Variants in PPIP5K2 observed in about 807,000 individuals in gnomAD.
PPIP5K2 encodes the protein inositol hexakisphosphate and diphosphoinositol-pentakisphosphate kinase 2.
In PPIP5K2, 105 loss-of-function variants were observed where a neutral mutation model predicts 154.6. That is an observed-to-expected ratio of 0.68 (90% CI 0.58 to 0.80). PPIP5K2 has a LOEUF of 0.80. Ranked by LOEUF, PPIP5K2 falls within the 30% of genes least tolerant of loss-of-function variation. The probability of loss-of-function intolerance (pLI) is 0.00; values close to 1 mark genes in which losing one functional copy is unlikely to be tolerated. For missense variants in PPIP5K2, 992 were observed against 1,504.6 expected, an observed-to-expected ratio of 0.66 and a Z score of 5.64; for synonymous variants, 480 against 490.3, an observed-to-expected ratio of 0.98 and a Z score of 0.28.
intron 17 of PPIP5K2, among the ~76,000 whole-genome samples, chr5:103,162,413 A>G (rs1206096742): frequency 2.0e-5 from 3 of 148,050 alleles, no homozygotes; most frequent in Non-Finnish European, 4.5e-5. Context: ...CCCAGGCGGG[A>G]GTGCAGTGGT....
Position 103,207,577 on chromosome 5 carries a change from T to C in PPIP5K2, c.*5943T>C, listed in dbSNP as rs576200408. On this transcript the variant is annotated 3_prime_UTR_variant, in exon 31 of 31. Transcript: ENST00000358359. ...TTGAATTATATTTAATTTTAAAGTC[T>C]ATATATATATATATATAGATCCTAT... The C allele has an allele frequency of 1.3e-5, 2 of 148,590 alleles. No individual in the cohort carries two copies. The highest frequency in any genetic ancestry group is 3.0e-5 in the Non-Finnish European group (2 of 66,778). The allele number at this position is 148,590 out of a possible 1,614,324, so 9.2% of individuals were successfully genotyped here.
chr5:103,177,627 C>A, intron 21 of PPIP5K2, 40 bp from the exon 22 acceptor site: 2 of 1,390,420 alleles, frequency 1.4e-6, no homozygotes, highest in Non-Finnish European at 2.0e-6. Flanking sequence ...TCAAGTAACA[C>A]AGTTTGAGAA....
Position 103,158,188 on chromosome 5 carries a change from A to T in PPIP5K2, c.1490A>T (p.Asp497Val), listed in dbSNP as rs782188299. The change falls in exon 15 of 31, where the codon GAC becomes GTC. Residue 497 changes from aspartate to valine, a missense_variant and splice_region_variant. Coordinates refer to ENST00000358359, the MANE Select transcript of PPIP5K2 (RefSeq NM_001276277.3). ...TTTTATTCATTCATATGTGTCATAG[A>T]CAGCCGAAGAGAAGAACCATCTTTA... ...GCPKTSSEEE[D>V]SRREEPSLLL... 6.2e-7 allele frequency: 1 copy of T among 1,612,576 alleles called. No homozygotes were observed. The highest frequency in any genetic ancestry group is 1.1e-5 in the South Asian group (1 of 91,016).
intron 17 of PPIP5K2, among the ~76,000 whole-genome samples, chr5:103,164,249 TTTC>T (rs1264346523): frequency 5.9e-5 from 9 of 152,062 alleles, no homozygotes; most frequent in Non-Finnish European, 8.8e-5. Context: ...CTTTTTTCCT[TTTC>T]TTCTTGATCA....
intron 3 of PPIP5K2, among the ~76,000 whole-genome samples, chr5:103,135,572 A>C (rs1359039835): frequency 6.6e-6 from 1 of 152,106 alleles, no homozygotes; most frequent in Non-Finnish European, 1.5e-5. Flanking sequence ...ATAGAACTAC[A>C]GGTTGCACCA....
Position 103,135,455 on chromosome 5 carries a change from A to G in PPIP5K2, c.311-1277A>G, listed in dbSNP as rs139562375. Among the ~76,000 whole-genome samples, 451 of 152,228 alleles carry G rather than the reference A, an allele frequency of 3.0e-3. 5 individuals carry two copies. The highest frequency in any genetic ancestry group is 0.01 in the African/African-American group (425 of 41,530). On this transcript the variant is annotated intron_variant, in intron 3 of 30. Transcript: ENST00000358359. The stretch of plus-strand genomic sequence containing the variant: ...AATTTTTTTTTTCCCCCTGGAGGAC[A>G]GGGTCTTGCTGTGTCAACTAGGCTG...
chr5:103,153,962 T>C lies in PPIP5K2; in HGVS notation c.1217+28T>C, dbSNP rs1246500010. 11 of 1,473,940 alleles carry C rather than the reference T, an allele frequency of 7.5e-6. No individual in the cohort carries two copies. In the African/African-American group the frequency reaches 1.3e-4, roughly 17 times the overall value. 91.3% of individuals were successfully genotyped at this position (1,473,940 alleles called of 1,614,324 possible). On this transcript the variant is annotated intron_variant, in intron 11 of 30. Transcript: ENST00000358359. ...ATGTTTTCAGATGAATAATTTAACATGCATGATACAATTTTAAGATTTCTG... is the reference window on the plus strand; with the variant it reads ...ATGTTTTCAGATGAATAATTTAACACGCATGATACAATTTTAAGATTTCTG...
intron 8 of PPIP5K2, 102 bp downstream of exon 8, chr5:103,149,415 G>C: frequency 9.1e-7 from 1 of 1,099,672 alleles, no homozygotes; most frequent in South Asian, 1.9e-5. Flanking sequence ...AGTAAACCGA[G>C]AAAGTAATTA....
chr5:103,175,813 T>C (rs1221343152), intron 21 of PPIP5K2, among the ~76,000 whole-genome samples: 1 of 152,048 alleles, frequency 6.6e-6, no homozygotes, highest in Non-Finnish European at 1.5e-5. Flanking sequence ...TATATTGAAT[T>C]CAGGCTGCAT....
chr5:103,163,721 T>G (rs1360281083), intron 17 of PPIP5K2, among the ~76,000 whole-genome samples: 1 of 151,996 alleles, frequency 6.6e-6, no homozygotes, highest in African/African-American at 2.4e-5. Flanking sequence ...TATAAAAACG[T>G]ACTGAATTTT....
chr5:103,120,610 G>A, intron 1 of PPIP5K2, 122 bp downstream of exon 1: 1 of 426,424 alleles, frequency 2.3e-6, no homozygotes, highest in Non-Finnish European at 4.8e-6. Flanking sequence ...ATGCTCCACC[G>A]AGGGGCTTGT....
chr5:103,150,921 A>C (rs1794551068), intron 8 of PPIP5K2, among the ~76,000 whole-genome samples: 1 of 144,552 alleles, frequency 6.9e-6, no homozygotes, highest in South Asian at 2.2e-4. Context: ...AGATCCTTTA[A>C]AAATTTTGCT....
chr5:103,183,973 T>C (rs1054990575), intron 25 of PPIP5K2, among the ~76,000 whole-genome samples: 24 of 152,320 alleles, frequency 1.6e-4, no homozygotes, highest in African/African-American at 5.5e-4. Context: ...TCTGTTTTTC[T>C]TTGGACTGTT....
At chr5:103,141,794 T>C (rs1792722846) in intron 5 of PPIP5K2, among the ~76,000 whole-genome samples, 3 of 150,878 alleles carry the variant, frequency 2.0e-5, no homozygotes, top group Admixed American at 1.3e-4. Flanking sequence ...TTACAATCCC[T>C]GAGCTAGAAA....
chr5:103,177,155 A>ACG (rs1798852735), intron 21 of PPIP5K2, among the ~76,000 whole-genome samples: 1 of 144,432 alleles, frequency 6.9e-6, no homozygotes, highest in Non-Finnish European at 1.6e-5. Flanking sequence ...TGTTTGTCAT[A>ACG]TTTCAAGAAA....
rs1362296458 is a variant in PPIP5K2 at position 103,211,748 on chromosome 5, T to C, written c.*10114T>C. The C allele has an allele frequency of 1.3e-5, 2 of 152,078 alleles. No individual in the cohort carries two copies. 9.4% of individuals were successfully genotyped at this position (152,078 alleles called of 1,614,324 possible). ...CAGTTACTACACTAAGCCCTGATGA[T>C]ACAAATATGAAAAGTCCTGTTTCCA... On this transcript the variant is annotated 3_prime_UTR_variant, in exon 31 of 31. Coordinates refer to ENST00000358359, the MANE Select transcript of PPIP5K2 (RefSeq NM_001276277.3).
chr5:103,157,508 G>T (rs1441934459), intron 14 of PPIP5K2, among the ~76,000 whole-genome samples: 1 of 152,120 alleles, frequency 6.6e-6, no homozygotes, highest in African/African-American at 2.4e-5. Flanking sequence ...GCCGGGCGCA[G>T]TGGCTCACGC....
intron 4 of PPIP5K2, among the ~76,000 whole-genome samples, chr5:103,137,300 T>C (rs1018755896): frequency 4.0e-5 from 6 of 151,792 alleles, no homozygotes; most frequent in South Asian, 2.1e-4. Context: ...GTAGCTGGGA[T>C]TACAGGCGCC....
chr5:103,151,809 TTGA>T (rs1435372678), intron 9 of PPIP5K2, among the ~76,000 whole-genome samples: 3 of 152,078 alleles, frequency 2.0e-5, no homozygotes, highest in South Asian at 2.1e-4. Context: ...CATATGTTAC[TTGA>T]TGATATTTTC....
Sources: allele counts gnomAD v4.1 joint callset (sites outside exome capture counted in the v4.1 genomes callset), GRCh38; gene constraint gnomAD v4.1.1; transcripts MANE v1.5; gene names NCBI Gene and HGNC (gene_info 2026-07-23, HGNC 2026-07-21).